The following FKBP5 variants were observed in gnomAD, a reference collection of about 807,000 sequenced individuals.
FKBP5 encodes peptidyl-prolyl cis-trans isomerase FKBP5.
A neutral mutation model predicts 50.5 loss-of-function variants in FKBP5; 23 were observed. The ratio of observed to expected loss-of-function variants is 0.46; its 90% CI spans 0.33 to 0.65. The LOEUF (loss-of-function observed/expected upper bound fraction) is 0.65, where lower values mean the gene tolerates loss of function less well. FKBP5 is among the 30% of genes least tolerant of loss of function. The pLI, the probability that FKBP5 is intolerant of heterozygous loss-of-function variation, is 0.02. For missense variants in FKBP5, 411 were observed against 553.1 expected (o/e 0.74, Z 2.58); for synonymous variants, 176 against 190.6 (o/e 0.92, Z 0.63).
chr6:35,692,663 C>T (rs942239258), upstream of FKBP5, among the ~76,000 whole-genome samples: 2 of 151,528 alleles, frequency 1.3e-5, no homozygotes, highest in South Asian at 2.1e-4. Context: ...GCTGGGCGTG[C>T]GCCTGTAGTC....
intron 1 of FKBP5, among the ~76,000 whole-genome samples, chr6:35,722,908 C>T (rs992570700): frequency 2.6e-5 from 4 of 152,232 alleles, no homozygotes; most frequent in South Asian, 2.1e-4. Context: ...TAGCACAATA[C>T]TTGGCACACA....
At chr6:35,625,029 C>T (rs577223617) in intron 3 of FKBP5, among the ~76,000 whole-genome samples, 55 of 152,298 alleles carry the variant, frequency 3.6e-4, no homozygotes, top group African/African-American at 1.3e-3. Flanking sequence ...AAGCAAGCTT[C>T]TACACATTTC....
chr6:35,691,422 C>T (rs909044490), upstream of FKBP5, among the ~76,000 whole-genome samples: 41 of 152,122 alleles, frequency 2.7e-4, no homozygotes, highest in Admixed American at 2.7e-3. Flanking sequence ...CAGTGAGGAG[C>T]AGTGTGGGCA....
chr6:35,616,394 G>A (rs555677699), intron 5 of FKBP5, among the ~76,000 whole-genome samples: 1 of 150,272 alleles, frequency 6.7e-6, no homozygotes, highest in South Asian at 2.1e-4. Context: ...CGACAGTAGT[G>A]TAGTAACTGG....
At chr6:35,638,818 T>A (rs1371447077) in intron 2 of FKBP5, among the ~76,000 whole-genome samples, 13 of 152,210 alleles carry the variant, frequency 8.5e-5, no homozygotes, top group Non-Finnish European at 1.9e-4. Flanking sequence ...TACACAATAT[T>A]CTACAAGTGC....
chr6:35,588,435 T>G (rs1762683051), intron 7 of FKBP5, among the ~76,000 whole-genome samples: 1 of 152,198 alleles, frequency 6.6e-6, no homozygotes, highest in African/African-American at 2.4e-5. Flanking sequence ...ATGGTTCAAT[T>G]CCAGGTTTTA....
upstream of FKBP5, among the ~76,000 whole-genome samples, chr6:35,691,610 C>T (rs1765988881): frequency 6.6e-6 from 1 of 152,082 alleles, no homozygotes; most frequent in Admixed American, 6.6e-5. Flanking sequence ...CTGTGGAGAA[C>T]AGTCAGTTCC....
At chr6:35,586,587 G>C in intron 8 of FKBP5, 1 of 988,584 alleles carries the variant, frequency 1.0e-6, no homozygotes, top group Admixed American at 5.6e-5. Context: ...GGAAAGAAAG[G>C]GAGACCCTGT....
intron 2 of FKBP5, 58 bp from the exon 3 acceptor site, chr6:35,637,216 A>AT: frequency 6.6e-7 from 1 of 1,519,888 alleles, no homozygotes. Context: ...TAATCAGAGA[A>AT]TAAAAAGGTC....
At chr6:35,666,394 TAAAAAAAAAA>T (rs550878351) in intron 1 of FKBP5, among the ~76,000 whole-genome samples, 19 of 33,268 alleles carry the variant, frequency 5.7e-4, no homozygotes, top group South Asian at 3.1e-3. Flanking sequence ...CTATTATAGT[TAAAAAAAAAA>T]AAAAAAAAAA....
rs1762621429 is a variant in FKBP5, at chr6:35,587,014, T to C, written c.840+20A>G. 1.9e-6 allele frequency: 3 copies of C among 1,613,918 alleles called. No homozygotes were observed. Among genetic ancestry groups the C allele is most frequent in the Non-Finnish European group, 1.7e-6 (2 of 1,179,812 alleles). On this transcript the variant is annotated intron_variant, in intron 8 of 10. Coordinates refer to ENST00000357266, the MANE Select transcript of FKBP5 (RefSeq NM_004117.4). ...AATAAATTCTTTGAGATGGAAAGGA[T>C]TGCATAGGGACTCACACACCTTGAA...
intron 3 of FKBP5, among the ~76,000 whole-genome samples, chr6:35,621,531 T>C (rs1763839153): frequency 6.6e-6 from 1 of 151,366 alleles, no homozygotes; most frequent in African/African-American, 2.4e-5. Context: ...GGCAGGAGAA[T>C]TGCTTGAACC....
At chr6:35,605,520 C>A (rs1017920679) in intron 5 of FKBP5, among the ~76,000 whole-genome samples, 3 of 151,014 alleles carry the variant, frequency 2.0e-5, no homozygotes, top group African/African-American at 7.3e-5. Context: ...ATCAGCCTCC[C>A]AAGTAAGCTG....
At chr6:35,677,871 C>T (rs1372505163) in intron 1 of FKBP5, among the ~76,000 whole-genome samples, 2 of 151,872 alleles carry the variant, frequency 1.3e-5, no homozygotes, top group South Asian at 4.2e-4. Context: ...GCAGCCTCAA[C>T]CTCCTGGGTT....
intron 5 of FKBP5, among the ~76,000 whole-genome samples, chr6:35,615,185 C>CAG (rs1407250442): frequency 5.3e-5 from 8 of 150,648 alleles, no homozygotes; most frequent in Non-Finnish European, 1.0e-4. Context: ...CACACACACA[C>CAG]AGAGGCTGAT....
At chr6:35,714,281 G>A (rs375417743) in intron 2 of FKBP5, among the ~76,000 whole-genome samples, 11 of 137,374 alleles carry the variant, frequency 8.0e-5, no homozygotes, top group East Asian at 2.2e-4. Flanking sequence ...GTGAAACCCC[G>A]TCTCTACTAA....
chr6:35,602,922 G>A (rs1346417420), intron 5 of FKBP5, among the ~76,000 whole-genome samples: 1 of 152,154 alleles, frequency 6.6e-6, no homozygotes, highest in African/African-American at 2.4e-5. Flanking sequence ...AATTCTCCAT[G>A]AACACCAACC....
At chr6:35,588,725 C>T (rs1055742712) in intron 7 of FKBP5, among the ~76,000 whole-genome samples, 12 of 151,586 alleles carry the variant, frequency 7.9e-5, no homozygotes, top group African/African-American at 2.4e-4. Context: ...CTCAGCCTCC[C>T]GAGTAGTTGG....
intron 1 of FKBP5, among the ~76,000 whole-genome samples, chr6:35,652,361 C>T (rs1035548441): frequency 2.6e-5 from 4 of 152,178 alleles, no homozygotes; most frequent in South Asian, 2.1e-4. Context: ...GCCGGTGAGC[C>T]GGGCAGAACA....
Sources: gnomAD v4.1 joint callset for allele counts (sites outside exome capture counted in the v4.1 genomes callset) on GRCh38, gnomAD v4.1.1 for gene constraint, MANE v1.5 for transcripts, NCBI Gene and HGNC (gene_info 2026-07-23, HGNC 2026-07-21) for gene names.